Variants in HEMK2 observed in about 807,000 individuals in gnomAD.
The protein encoded by HEMK2 is HemK methyltransferase 2, ETF1 glutamine and histone H4 lysine.
chr21:28,727,158 T>C, the HEMK2 span, among the ~76,000 whole-genome samples: 1 of 151,938 alleles, frequency 6.6e-6, no homozygotes, highest in Non-Finnish European at 1.5e-5. Flanking sequence ...GAGAGATGAG[T>C]CTGAGAAAAG....
At chr21:28,596,216 A>G in the HEMK2 span, among the ~76,000 whole-genome samples, 3 of 152,038 alleles carry the variant, frequency 2.0e-5, no homozygotes, top group African/African-American at 7.2e-5. Flanking sequence ...ACAGGGTTTC[A>G]TGGTGTTAGC....
At chr21:28,840,594 G>A in the HEMK2 span, among the ~76,000 whole-genome samples, 2 of 151,940 alleles carry the variant, frequency 1.3e-5, no homozygotes, top group Admixed American at 6.6e-5. Flanking sequence ...GCCAACAAAC[G>A]TGAAAAATGC....
At chr21:28,848,042 A>G in the HEMK2 span, among the ~76,000 whole-genome samples, 1 of 152,224 alleles carries the variant, frequency 6.6e-6, no homozygotes, top group African/African-American at 2.4e-5. Flanking sequence ...TACAGTTTGA[A>G]GTCAGGTAGT....
At chr21:28,658,373 G>A in the HEMK2 span, among the ~76,000 whole-genome samples, 3 of 152,012 alleles carry the variant, frequency 2.0e-5, no homozygotes, top group Non-Finnish European at 2.9e-5. Context: ...CTAAGAAAAT[G>A]CATAGAACAG....
chr21:28,798,138 C>T, the HEMK2 span, among the ~76,000 whole-genome samples: 1 of 152,148 alleles, frequency 6.6e-6, no homozygotes, highest in African/African-American at 2.4e-5. Flanking sequence ...AAGCAGCAAC[C>T]GCTACTTTCA....
At chr21:28,848,051 G>A in the HEMK2 span, among the ~76,000 whole-genome samples, 7 of 152,204 alleles carry the variant, frequency 4.6e-5, no homozygotes, top group African/African-American at 1.7e-4. Context: ...AAGTCAGGTA[G>A]TGTGATGCCT....
the HEMK2 span, among the ~76,000 whole-genome samples, chr21:28,793,596 T>C: frequency 1.3e-5 from 2 of 152,192 alleles, no homozygotes; most frequent in Non-Finnish European, 1.5e-5. Flanking sequence ...TAGAGGATGC[T>C]GTGAGGTGAG....
At chr21:28,744,099 G>A in the HEMK2 span, among the ~76,000 whole-genome samples, 15 of 151,666 alleles carry the variant, frequency 9.9e-5, no homozygotes, top group African/African-American at 3.4e-4. Flanking sequence ...GTGGGGGCTG[G>A]GAAGAGGGAG....
the HEMK2 span, among the ~76,000 whole-genome samples, chr21:28,804,368 G>A: frequency 6.6e-6 from 1 of 152,070 alleles, no homozygotes; most frequent in Non-Finnish European, 1.5e-5. Flanking sequence ...TCAAAATAAA[G>A]ACAAGAACAG....
the HEMK2 span, among the ~76,000 whole-genome samples, chr21:28,829,596 AT>A: frequency 6.6e-6 from 1 of 152,176 alleles, no homozygotes; most frequent in South Asian, 2.1e-4. Flanking sequence ...TTCATTACAA[AT>A]TATCCAGTCT....
the HEMK2 span, among the ~76,000 whole-genome samples, chr21:28,652,706 T>C: frequency 6.6e-6 from 1 of 151,908 alleles, no homozygotes; most frequent in African/African-American, 2.4e-5. Flanking sequence ...ACATTATTTA[T>C]TTTCATTTGA....
chr21:28,587,994 T>A, the HEMK2 span, among the ~76,000 whole-genome samples: 1 of 152,238 alleles, frequency 6.6e-6, no homozygotes, highest in Admixed American at 6.5e-5. Context: ...CAGCTGCAGT[T>A]GGCAGAAAGA....
chr21:28,740,673 T>C, the HEMK2 span, among the ~76,000 whole-genome samples: 4 of 152,226 alleles, frequency 2.6e-5, no homozygotes, highest in East Asian at 7.7e-4. Context: ...AGCAACCTGC[T>C]ATCTTTACCT....
At chr21:28,735,398 A>G in the HEMK2 span, among the ~76,000 whole-genome samples, 1 of 152,114 alleles carries the variant, frequency 6.6e-6, no homozygotes, top group Non-Finnish European at 1.5e-5. Context: ...TGGTTGTAGG[A>G]CTGAGGTCCC....
At chr21:28,691,014 T>C in the HEMK2 span, among the ~76,000 whole-genome samples, 1 of 152,212 alleles carries the variant, frequency 6.6e-6, no homozygotes, top group Non-Finnish European at 1.5e-5. Flanking sequence ...TCAGATTGCA[T>C]CCCTTTGTCA....
At chr21:28,770,765 G>C in the HEMK2 span, among the ~76,000 whole-genome samples, 1 of 151,958 alleles carries the variant, frequency 6.6e-6, no homozygotes, top group Non-Finnish European at 1.5e-5. Context: ...TGACTTTCTA[G>C]CCTCCAGAAC....
At chr21:28,869,912 ACT>A in the HEMK2 span, among the ~76,000 whole-genome samples, 1 of 152,068 alleles carries the variant, frequency 6.6e-6, no homozygotes, top group Admixed American at 6.5e-5. Context: ...TACCCAAGAA[ACT>A]CTCTGGCCAA....
At chr21:28,764,365 T>G in the HEMK2 span, among the ~76,000 whole-genome samples, 2 of 151,938 alleles carry the variant, frequency 1.3e-5, no homozygotes, top group Non-Finnish European at 2.9e-5. Context: ...CAGAAGCTGC[T>G]AAGACAAGAG....
At chr21:28,578,520 G>T in the HEMK2 span, among the ~76,000 whole-genome samples, 1 of 152,202 alleles carries the variant, frequency 6.6e-6, no homozygotes, top group Non-Finnish European at 1.5e-5. Flanking sequence ...CCACAGCGGG[G>T]TTTCACTGGG....
Sources: gnomAD v4.1 joint callset for allele counts (sites outside exome capture counted in the v4.1 genomes callset) on GRCh38, gnomAD v4.1.1 for gene constraint, MANE v1.5 for transcripts, NCBI Gene and HGNC (gene_info 2026-07-23, HGNC 2026-07-21) for gene names.